The following CAMKMT variants were observed in gnomAD, a reference collection of about 807,000 sequenced individuals.
The protein encoded by CAMKMT is calmodulin-lysine N-methyltransferase.
In CAMKMT, 53 loss-of-function variants were observed where a neutral mutation model predicts 48.0. The ratio of observed to expected loss-of-function variants is 1.10; its 90% confidence interval spans 0.89 to 1.39. The LOEUF (loss-of-function observed/expected upper bound fraction) is 1.39, where lower values mean the gene tolerates loss of function less well. CAMKMT is among the 40% of genes most tolerant of loss of function. The pLI is 0.00. For missense variants in CAMKMT, 428 were observed against 402.7 expected, an observed-to-expected ratio of 1.06 and a Z score of -0.54; for synonymous variants, 165 against 152.3, an observed-to-expected ratio of 1.08 and a Z score of -0.61.
chr2:44,368,816 G>A (rs139833742), intron 1 of CAMKMT, among the ~76,000 whole-genome samples: 5 of 152,244 alleles, frequency 3.3e-5, no homozygotes, highest in African/African-American at 1.2e-4. Context: ...GCTCTGTTGA[G>A]TAGTTTGTTT....
chr2:44,629,225 G>T lies in CAMKMT; in HGVS notation c.377-75058G>T, dbSNP rs578122195. ...ATTTGTTGCGTACATATTTATGATT[G>T]TTATGTTGTCTTTTTGATGATTTGA... is the stretch of plus-strand genomic sequence containing the variant. On this transcript the variant is annotated intron_variant, in intron 3 of 10. Coordinates refer to ENST00000378494, the MANE Select transcript of CAMKMT (RefSeq NM_024766.5). Among the ~76,000 whole-genome samples the T allele has an allele frequency of 2.6e-5, 4 of 152,090 alleles. No individual in the cohort carries two copies. In the South Asian group the frequency reaches 8.3e-4, roughly 32 times the overall value.
At chr2:44,643,086 G>A (rs1397830856) in intron 3 of CAMKMT, among the ~76,000 whole-genome samples, 1 of 152,158 alleles carries the variant, frequency 6.6e-6, no homozygotes, top group Non-Finnish European at 1.5e-5. Context: ...TTATCAGTCA[G>A]TGACATGTCT....
intron 3 of CAMKMT, among the ~76,000 whole-genome samples, chr2:44,701,086 A>G (rs1264704604): frequency 2.0e-5 from 3 of 152,190 alleles, no homozygotes; most frequent in Non-Finnish European, 4.4e-5. Context: ...ACTAAGAACA[A>G]TGCTGCTATG....
chr2:44,704,192 G>C, intron 3 of CAMKMT, 91 bp from the exon 4 acceptor site: 1 of 868,120 alleles, frequency 1.2e-6, no homozygotes, highest in Non-Finnish European at 1.7e-6. Context: ...GATTGAAGTT[G>C]AAATAGCTTG....
chr2:44,672,095 G>T (rs1397051386), intron 3 of CAMKMT, among the ~76,000 whole-genome samples: 1 of 152,046 alleles, frequency 6.6e-6, no homozygotes, highest in Non-Finnish European at 1.5e-5. Flanking sequence ...CTCCCCATCC[G>T]CCTCACTCCC....
At chr2:44,525,584 A>C (rs1031174843) in intron 3 of CAMKMT, among the ~76,000 whole-genome samples, 5 of 152,192 alleles carry the variant, frequency 3.3e-5, no homozygotes, top group Non-Finnish European at 5.9e-5. Context: ...AAATATTACT[A>C]TACATTTTCA....
chr2:44,761,303 G>A (rs1680606567), intron 9 of CAMKMT, among the ~76,000 whole-genome samples: 1 of 152,186 alleles, frequency 6.6e-6, no homozygotes, highest in Admixed American at 6.5e-5. Flanking sequence ...AAGAACAGAT[G>A]GGGGATGTGA....
chr2:44,459,568 GCAGAAATCAGAA>G (rs1339056666), intron 3 of CAMKMT, among the ~76,000 whole-genome samples: 1 of 152,152 alleles, frequency 6.6e-6, no homozygotes, highest in African/African-American at 2.4e-5. Context: ...ATAGCTTTCA[GCAGAAATCAGAA>G]CAGTGCTTTA....
At chr2:44,578,066 CT>C (rs1300392843) in intron 3 of CAMKMT, among the ~76,000 whole-genome samples, 1 of 152,156 alleles carries the variant, frequency 6.6e-6, no homozygotes, top group Non-Finnish European at 1.5e-5. Flanking sequence ...ATGCTTTTCT[CT>C]TGTAAATCTG....
intron 3 of CAMKMT, among the ~76,000 whole-genome samples, chr2:44,545,904 T>C (rs915959023): frequency 1.4e-4 from 22 of 152,112 alleles, no homozygotes; most frequent in Non-Finnish European, 2.9e-4. Context: ...AAAACAAGTC[T>C]ACAGTGATCC....
chr2:44,588,890 CCCGGCCA>C (rs1670082054), intron 3 of CAMKMT, among the ~76,000 whole-genome samples: 1 of 17,144 alleles, frequency 5.8e-5, no homozygotes, highest in Non-Finnish European at 1.2e-4. Flanking sequence ...CAGCCCCCGA[CCCGGCCA>C]TCCGCCCCGT....
At chr2:44,492,265 T>A (rs1450860074) in intron 3 of CAMKMT, among the ~76,000 whole-genome samples, 1 of 152,152 alleles carries the variant, frequency 6.6e-6, no homozygotes, top group Non-Finnish European at 1.5e-5. Context: ...GCAGATCATA[T>A]TTGAAAATGA....
chr2:44,475,321 T>A (rs1007049977), intron 3 of CAMKMT, among the ~76,000 whole-genome samples: 541 of 8,048 alleles, frequency 0.067, 2 homozygotes, highest in African/African-American at 0.25. Flanking sequence ...AGGTTGAAAT[T>A]TTTTTTTTTT....
At chr2:44,521,735 A>G (rs1365090964) in intron 3 of CAMKMT, among the ~76,000 whole-genome samples, 1 of 152,182 alleles carries the variant, frequency 6.6e-6, no homozygotes, top group Admixed American at 6.5e-5. Context: ...ACAGGTTATA[A>G]TGTCAGCTAC....
At chr2:44,682,204 T>C (rs988016454) in intron 3 of CAMKMT, among the ~76,000 whole-genome samples, 2 of 152,236 alleles carry the variant, frequency 1.3e-5, no homozygotes, top group African/African-American at 4.8e-5. Context: ...CTTTTTCCCC[T>C]GAATTATTGT....
chr2:44,441,728 T>C (rs1020031997), intron 3 of CAMKMT, among the ~76,000 whole-genome samples: 1 of 152,206 alleles, frequency 6.6e-6, no homozygotes, highest in African/African-American at 2.4e-5. Flanking sequence ...TGTATTCTCC[T>C]TATATAACTA....
chr2:44,549,370 A>AT (rs1445914256), intron 3 of CAMKMT, among the ~76,000 whole-genome samples: 3 of 131,334 alleles, frequency 2.3e-5, no homozygotes, highest in Non-Finnish European at 5.1e-5. Flanking sequence ...CTAAAAAAAA[A>AT]GACCTGAAAA....
chr2:44,490,334 G>A (rs923965853), intron 3 of CAMKMT, among the ~76,000 whole-genome samples: 1 of 152,010 alleles, frequency 6.6e-6, no homozygotes, highest in Non-Finnish European at 1.5e-5. Context: ...GGAGTGCAAT[G>A]GCGCGATCTT....
intron 3 of CAMKMT, among the ~76,000 whole-genome samples, chr2:44,664,724 A>G (rs1674862544): frequency 6.6e-6 from 1 of 152,228 alleles, no homozygotes; most frequent in African/African-American, 2.4e-5. Flanking sequence ...TATTCACATG[A>G]GATTGCCTCC....
Sources: allele counts gnomAD v4.1 joint callset (sites outside exome capture counted in the v4.1 genomes callset), GRCh38; gene constraint gnomAD v4.1.1; transcripts MANE v1.5; gene names NCBI Gene and HGNC (gene_info 2026-07-23, HGNC 2026-07-21).